Variants in ZNF521 observed in about 807,000 individuals in gnomAD.
ZNF521 encodes LYST-interacting protein 3.
Under a neutral mutation model 105.5 loss-of-function variants are expected in ZNF521, and 14 were observed. The observed-to-expected ratio is 0.13, with a 90% CI of 0.09 to 0.21. ZNF521 has a LOEUF of 0.21. Among genes scored for constraint, ZNF521 ranks in the 10% least tolerant of loss-of-function variants. ZNF521 has a pLI of 1.00. For synonymous variants in ZNF521, 635 were observed against 606.0 expected (o/e 1.05, Z -0.70); for missense variants, 1,233 against 1,629.7 (o/e 0.76, Z 4.19).
intron 7 of ZNF521, among the ~76,000 whole-genome samples, chr18:25,069,081 A>G (rs554167836): frequency 1.2e-3 from 182 of 152,348 alleles, no homozygotes; most frequent in African/African-American, 3.9e-3. Context: ...TAGAGCTTTT[A>G]GTACTAAATC....
chr18:25,290,209 G>A lies in ZNF521; in HGVS notation c.220+31799C>T, dbSNP rs45517833. ...AGCATCCAGAGTAACTGAAGAAGGC[G>A]CTTTGATTAGTAATAGTATCAAGAT... is the stretch of plus-strand genomic sequence containing the variant. On this transcript the variant is annotated intron_variant, in intron 3 of 7. Coordinates refer to ENST00000361524, the MANE Select transcript of ZNF521 (RefSeq NM_015461.3). Among the ~76,000 whole-genome samples the A allele has an allele frequency of 4.9e-3, 742 of 152,286 alleles. 7 individuals carry two copies. Among genetic ancestry groups the A allele is most frequent in the Non-Finnish European group, 7.2e-3 (489 of 68,016 alleles).
chr18:25,101,092 C>T (rs1420615841), intron 5 of ZNF521, among the ~76,000 whole-genome samples: 2 of 152,138 alleles, frequency 1.3e-5, no homozygotes, highest in Non-Finnish European at 2.9e-5. Context: ...AAATAAACGC[C>T]CCCATGTTTG....
At chr18:25,175,223 A>C (rs913315083) in intron 5 of ZNF521, among the ~76,000 whole-genome samples, 2 of 152,216 alleles carry the variant, frequency 1.3e-5, no homozygotes, top group South Asian at 4.1e-4. Context: ...TGAAGGGGCC[A>C]TTCCTACCTC....
At chr18:25,332,913 C>T (rs1317554892) in intron 2 of ZNF521, among the ~76,000 whole-genome samples, 2 of 152,064 alleles carry the variant, frequency 1.3e-5, no homozygotes, top group African/African-American at 2.4e-5. Flanking sequence ...TGAACGTGTA[C>T]GCCATTATCA....
chr18:25,303,891 G>A (rs1324915742), intron 3 of ZNF521, among the ~76,000 whole-genome samples: 1 of 152,142 alleles, frequency 6.6e-6, no homozygotes, highest in African/African-American at 2.4e-5. Flanking sequence ...ACAGAAATAG[G>A]TTGTTCAGGA....
intron 7 of ZNF521, among the ~76,000 whole-genome samples, chr18:25,064,108 AGG>A (rs1341480556): frequency 2.0e-5 from 3 of 152,258 alleles, no homozygotes; most frequent in Admixed American, 1.3e-4. Flanking sequence ...CTCAGGAAAG[AGG>A]GTTTGGCTAT....
chr18:25,161,646 C>T (rs2035253348), intron 5 of ZNF521, among the ~76,000 whole-genome samples: 1 of 152,128 alleles, frequency 6.6e-6, no homozygotes, highest in African/African-American at 2.4e-5. Context: ...CTTACAAAAT[C>T]ACAGAATCTC....
At chr18:25,170,478 G>A (rs2035428365) in intron 5 of ZNF521, among the ~76,000 whole-genome samples, 2 of 152,020 alleles carry the variant, frequency 1.3e-5, no homozygotes, top group Non-Finnish European at 2.9e-5. Flanking sequence ...ATAAATTTTA[G>A]TTCTTGTAAA....
At chr18:25,174,411 C>A (rs541487765) in intron 5 of ZNF521, among the ~76,000 whole-genome samples, 1 of 152,268 alleles carries the variant, frequency 6.6e-6, no homozygotes, top group East Asian at 1.9e-4. Flanking sequence ...CTCCATTCCA[C>A]GTGAACATTA....
chr18:25,204,813 G>A (rs1203816394), intron 4 of ZNF521, among the ~76,000 whole-genome samples: 1 of 152,040 alleles, frequency 6.6e-6, no homozygotes, highest in Non-Finnish European at 1.5e-5. Flanking sequence ...ACAGTCCACT[G>A]AGACCTTCCA....
intron 5 of ZNF521, among the ~76,000 whole-genome samples, chr18:25,117,077 AC>A (rs1567968899): frequency 1.7e-4 from 3 of 17,230 alleles, no homozygotes; most frequent in Non-Finnish European, 2.4e-4. Flanking sequence ...ACACACACAC[AC>A]ACACATACAC....
chr18:25,148,986 G>T (rs1041071949), intron 5 of ZNF521, among the ~76,000 whole-genome samples: 3 of 152,230 alleles, frequency 2.0e-5, no homozygotes, highest in South Asian at 2.1e-4. Flanking sequence ...TAAAACAAAT[G>T]TACAGAAGAG....
At chr18:25,206,747 C>G (rs1181059122) in intron 4 of ZNF521, among the ~76,000 whole-genome samples, 3 of 152,136 alleles carry the variant, frequency 2.0e-5, no homozygotes, top group Non-Finnish European at 4.4e-5. Context: ...TCCACTTGAA[C>G]AGCTTTCCTA....
chr18:25,244,717 G>A (rs1207938806), intron 3 of ZNF521, among the ~76,000 whole-genome samples: 1 of 152,230 alleles, frequency 6.6e-6, no homozygotes, highest in African/African-American at 2.4e-5. Context: ...TCTAAGAGGA[G>A]AAATTCCAAA....
chr18:25,285,231 G>A (rs143601952), intron 3 of ZNF521, among the ~76,000 whole-genome samples: 8 of 152,224 alleles, frequency 5.3e-5, no homozygotes, highest in Non-Finnish European at 7.4e-5. Context: ...AGTAAAGACC[G>A]CTTGGGGACA....
At chr18:25,160,179 G>A (rs1191169363) in intron 5 of ZNF521, among the ~76,000 whole-genome samples, 2 of 152,060 alleles carry the variant, frequency 1.3e-5, no homozygotes, top group African/African-American at 4.8e-5. Flanking sequence ...TACTCTATTC[G>A]TCTTTACTGT....
At chr18:25,212,538 A>AAAATATATATATAT (rs1555647923) in intron 4 of ZNF521, among the ~76,000 whole-genome samples, 3 of 48,140 alleles carry the variant, frequency 6.2e-5, no homozygotes, top group Admixed American at 3.0e-4. Context: ...AAAAAAAAAA[A>AAAATATATATATAT]ATATATATAT....
intron 5 of ZNF521, 27 bp from the exon 6 acceptor site, chr18:25,092,108 A>G (rs1197010192): frequency 6.2e-7 from 1 of 1,613,078 alleles, no homozygotes; most frequent in Non-Finnish European, 8.5e-7. Context: ...ATGAAGAGAA[A>G]TGATGAAAAC....
intron 6 of ZNF521, among the ~76,000 whole-genome samples, chr18:25,089,935 T>G (rs2033708070): frequency 6.6e-6 from 1 of 152,192 alleles, no homozygotes; most frequent in South Asian, 2.1e-4. Context: ...AAATCATAGA[T>G]GCCAAAACCC....
Sources: gnomAD v4.1 joint callset for allele counts (sites outside exome capture counted in the v4.1 genomes callset) on GRCh38, gnomAD v4.1.1 for gene constraint, MANE v1.5 for transcripts, NCBI Gene and HGNC (gene_info 2026-07-23, HGNC 2026-07-21) for gene names.